The following ASIP variants were observed in gnomAD, a reference collection of about 807,000 sequenced individuals.
ASIP encodes agouti signaling protein.
Under a neutral mutation model 10.3 loss-of-function variants are expected in ASIP, and 11 were observed. The observed-to-expected ratio is 1.07, with a 90% confidence interval of 0.68 to 1.78. The LOEUF (loss-of-function observed/expected upper bound fraction) is 1.78. Ranked by LOEUF, ASIP falls within the 40% of genes most tolerant of loss-of-function variation. The pLI is 0.00. For missense variants in ASIP, 180 were observed against 169.2 expected, an observed-to-expected ratio of 1.06 and a Z score of -0.35; for synonymous variants, 70 against 70.8, an observed-to-expected ratio of 0.99 and a Z score of 0.06.
At chr20:34,214,389 G>C (rs918367265) in intron 1 of ASIP, 59 of 1,358,110 alleles carry the variant, frequency 4.3e-5, no homozygotes, top group Non-Finnish European at 5.5e-5. Flanking sequence ...ATGCTGATAG[G>C]AACTGACTCC....
At chr20:34,202,079 T>TA (rs200525186) in intron 1 of ASIP, among the ~76,000 whole-genome samples, 17,114 of 139,384 alleles carry the variant, frequency 0.12, 988 homozygotes, top group South Asian at 0.2. Flanking sequence ...GATAAAATTG[T>TA]AAAAAAAAAA....
At chr20:34,243,836 G>A (rs752530213) in intron 1 of ASIP, among the ~76,000 whole-genome samples, 2 of 151,540 alleles carry the variant, frequency 1.3e-5, no homozygotes, top group South Asian at 2.1e-4. Context: ...AGGCCGAGGC[G>A]GGTGGATCAT....
At chr20:34,257,411 C>T (rs2035592686) in intron 1 of ASIP, among the ~76,000 whole-genome samples, 1 of 152,060 alleles carries the variant, frequency 6.6e-6, no homozygotes, top group African/African-American at 2.4e-5. Flanking sequence ...AATTTGCCTT[C>T]CTAATTAATA....
chr20:34,257,280 G>A (rs529919528), intron 1 of ASIP, among the ~76,000 whole-genome samples: 3 of 151,812 alleles, frequency 2.0e-5, no homozygotes, highest in South Asian at 4.2e-4. Context: ...TAGTAGAAAC[G>A]GGGTTTCACC....
intron 3 of ASIP, among the ~76,000 whole-genome samples, chr20:34,263,672 T>C (rs1462478321): frequency 6.6e-6 from 1 of 151,582 alleles, no homozygotes; most frequent in Non-Finnish European, 1.5e-5. Context: ...TTTTTTTTTT[T>C]TTCTTTTTTT....
chr20:34,213,246 C>A (rs997864314), intron 1 of ASIP, among the ~76,000 whole-genome samples: 1 of 152,218 alleles, frequency 6.6e-6, no homozygotes, highest in African/African-American at 2.4e-5. Context: ...AAGGCCCTCA[C>A]CAGATGCCAG....
chr20:34,258,793 TATATATA>T (rs1183503050), intron 1 of ASIP, among the ~76,000 whole-genome samples: 4 of 118,118 alleles, frequency 3.4e-5, no homozygotes, highest in Non-Finnish European at 6.9e-5. Flanking sequence ...ATATATAGTG[TATATATA>T]ATATATGATA....
intron 3 of ASIP, among the ~76,000 whole-genome samples, chr20:34,268,786 G>A (rs866949249): frequency 6.6e-6 from 1 of 151,866 alleles, no homozygotes. Context: ...GGGAGAAGAC[G>A]ACCAGGGCCA....
chr20:34,200,954 T>G (rs1474646007), intron 1 of ASIP, among the ~76,000 whole-genome samples: 1 of 103,210 alleles, frequency 9.7e-6, no homozygotes, highest in African/African-American at 1.2e-4. Context: ...TTGATTTTCT[T>G]TCTTTCTTTC....
At chr20:34,248,846 T>C (rs1447951790) in intron 1 of ASIP, among the ~76,000 whole-genome samples, 1 of 151,158 alleles carries the variant, frequency 6.6e-6, no homozygotes, top group African/African-American at 2.4e-5. Context: ...TTGTAGCCTC[T>C]CTGAAGGGGA....
chr20:34,214,999 G>A, intron 1 of ASIP: 3 of 1,420,908 alleles, frequency 2.1e-6, no homozygotes, highest in South Asian at 1.1e-5. Flanking sequence ...AGAAAATCTG[G>A]CCAACATCTT....
chr20:34,218,852 A>G (rs2122560741), intron 1 of ASIP, among the ~76,000 whole-genome samples: 1 of 151,906 alleles, frequency 6.6e-6, no homozygotes, highest in East Asian at 1.9e-4. Context: ...TTTAGTAGAG[A>G]CGGGGTTTCA....
At chr20:34,219,344 A>G (rs940003122) in intron 1 of ASIP, among the ~76,000 whole-genome samples, 1 of 152,280 alleles carries the variant, frequency 6.6e-6, no homozygotes, top group South Asian at 2.1e-4. Context: ...TACACATTCA[A>G]TCATCATAAT....
Position 34,269,057 on chromosome 20 carries a change from C to T in ASIP, c.289C>T (p.Arg97Cys). Reference sequence around the variant, plus strand: ...CCTATCTGCGCCCTGCGTGGCCACCCGCAACAGCTGCAAGCCGCCGGCACC... The same window carrying T: ...CCTATCTGCGCCCTGCGTGGCCACCTGCAACAGCTGCAAGCCGCCGGCACC... Reference protein sequence around the residue: ...TPLSAPCVATRNSCKPPAPAC... With the variant: ...TPLSAPCVATCNSCKPPAPAC... The change falls in exon 4 of 4, where the codon CGC (arginine) becomes TGC (cysteine). Residue 97 changes from arginine (R) to cysteine (C), a missense_variant. Physicochemically the swap from Arg to Cys is radical, Grantham distance 180. Coordinates refer to ENST00000374954, the MANE Select transcript of ASIP (RefSeq NM_001672.3). 1.9e-6 allele frequency: 3 copies of T among 1,599,872 alleles called. No homozygotes were observed. In the South Asian group the frequency reaches 3.4e-5, roughly 18 times the overall value.
intron 1 of ASIP, among the ~76,000 whole-genome samples, chr20:34,259,437 T>C (rs529525451): frequency 2.6e-5 from 4 of 151,990 alleles, no homozygotes; most frequent in South Asian, 4.2e-4. Flanking sequence ...CTCTTGAACC[T>C]GGGAGGAGGA....
At chr20:34,215,492 G>A (rs7343815) in intron 1 of ASIP, 1 of 1,529,006 alleles carries the variant, frequency 6.5e-7, no homozygotes, top group Non-Finnish European at 9.1e-7. Flanking sequence ...CTTGGATTTA[G>A]GTCCACTACT....
At chr20:34,192,367 G>A (rs769846902), upstream of ASIP, among the ~76,000 whole-genome samples, 11 of 152,124 alleles carry the variant, frequency 7.2e-5, no homozygotes, top group African/African-American at 1.4e-4. Context: ...CTCTCTTGCC[G>A]AAGCTGGAGT....
chr20:34,205,045 T>G (rs1202809467), intron 1 of ASIP, among the ~76,000 whole-genome samples: 1 of 152,254 alleles, frequency 6.6e-6, no homozygotes, highest in Non-Finnish European at 1.5e-5. Flanking sequence ...CACCCTATTG[T>G]GCTACCAAGT....
chr20:34,259,521 T>A (rs28556666), intron 1 of ASIP, among the ~76,000 whole-genome samples: 1 of 149,144 alleles, frequency 6.7e-6, no homozygotes, highest in Non-Finnish European at 1.5e-5. Context: ...TCAAAAAAAA[T>A]AAAAAGAGTT....
Sources: gnomAD v4.1 joint callset for allele counts (sites outside exome capture counted in the v4.1 genomes callset) on GRCh38, gnomAD v4.1.1 for gene constraint, MANE v1.5 for transcripts, NCBI Gene and HGNC (gene_info 2026-07-23, HGNC 2026-07-21) for gene names.